Variants in AKR1B15 observed in about 807,000 individuals in gnomAD.
The protein encoded by AKR1B15 is aldo-keto reductase family 1 member B15, also known as estradiol 17-beta-dehydrogenase AKR1B15.
A neutral mutation model predicts 38.5 loss-of-function variants in AKR1B15; 49 were observed. The ratio of observed to expected loss-of-function variants is 1.27; its 90% CI spans 1.01 to 1.62. The LOEUF is 1.62. Ranked by LOEUF, AKR1B15 falls within the 40% of genes most tolerant of loss-of-function variation. AKR1B15 has a pLI of 0.00. For missense variants in AKR1B15, 411 were observed against 381.6 expected, an observed-to-expected ratio of 1.08 and a Z score of -0.64; for synonymous variants, 137 against 135.5, an observed-to-expected ratio of 1.01 and a Z score of -0.08.
chr7:134,552,153 C>T (rs79973657), intron 1 of AKR1B15, among the ~76,000 whole-genome samples: 2,603 of 152,238 alleles, frequency 0.017, 77 homozygotes, highest in African/African-American at 0.06. Context: ...TCCTCGTGGT[C>T]CCAGAGTGCC....
chr7:134,560,687 A>G (rs767651264), intron 2 of AKR1B15, among the ~76,000 whole-genome samples: 1 of 152,330 alleles, frequency 6.6e-6, no homozygotes, highest in Middle Eastern at 3.4e-3. Context: ...ATGTTAAAAA[A>G]CAAACAAAAG....
At position 134,568,042 on chromosome 7, in the gene AKR1B15, A is replaced by T. The variant is rs552379586; in HGVS notation, c.151-116A>T. The T allele has an allele frequency of 3.2e-6, 4 of 1,268,800 alleles. No homozygotes were observed. In the African/African-American group the frequency reaches 6.0e-5, roughly 19 times the overall value. The allele number at this position is 1,268,800 out of a possible 1,614,324, so 78.6% of individuals were successfully genotyped here. A position where few individuals can be genotyped will look rare whatever the true frequency, so the allele number is the denominator to read the frequency against. ...GAGTGTGGTGTAATTCCAGCTACTC[A>T]GGAGTTGGGAGGATTGTTTGAACCT... On this transcript the variant is annotated intron_variant, in intron 3 of 11. Coordinates refer to ENST00000457545, the MANE Select transcript of AKR1B15 (RefSeq NM_001080538.3).
intron 11 of AKR1B15, among the ~76,000 whole-genome samples, chr7:134,578,536 A>G (rs1794813110): frequency 6.6e-6 from 1 of 152,242 alleles, no homozygotes; most frequent in Non-Finnish European, 1.5e-5. Context: ...CACTCTGGCT[A>G]GGCGGGAATT....
At position 134,579,466 on chromosome 7, in the gene AKR1B15, G is replaced by T. The variant is rs148041413; in HGVS notation, c.993-41G>T. Reference sequence around the variant, plus strand: ...CCTTCTCAGCGAGAGTTGTTGCTTTGATGGAACACAGTTTCTTTTTTTTTT... The same window carrying T: ...CCTTCTCAGCGAGAGTTGTTGCTTTTATGGAACACAGTTTCTTTTTTTTTT... On this transcript the variant is annotated intron_variant, in intron 11 of 11. Coordinates refer to ENST00000457545, the MANE Select transcript of AKR1B15 (RefSeq NM_001080538.3). 593 of 1,527,358 alleles carry T rather than the reference G, an allele frequency of 3.9e-4. 3 individuals are homozygous for T. In the African/African-American group the frequency reaches 8.2e-3, roughly 21 times the overall value. 94.6% of individuals were successfully genotyped at this position (1,527,358 alleles called of 1,614,324 possible).
rs1485296059 is a variant in AKR1B15 at position 134,557,469 on chromosome 7, C to T, written c.-23+610C>T. Among the ~76,000 whole-genome samples, 9 of 151,976 alleles carry T rather than the reference C, an allele frequency of 5.9e-5. No homozygotes were observed. The East Asian group carries it at 1.5e-3, about 26-fold the overall frequency. On this transcript the variant is annotated intron_variant, in intron 2 of 11. Transcript: ENST00000457545. ...GTTTCTTCACTTGCAGCCCCTTGTCCCCCTCCCTTAAGGACATAACTGGTG... is the reference window on the plus strand; with the variant it reads ...GTTTCTTCACTTGCAGCCCCTTGTCTCCCTCCCTTAAGGACATAACTGGTG...
At chr7:134,565,661 T>C (rs945018680) in intron 3 of AKR1B15, 8 of 1,515,070 alleles carry the variant, frequency 5.3e-6, no homozygotes, top group Middle Eastern at 1.7e-4. Flanking sequence ...GAGAGGTGAA[T>C]TTCAGTCCTG....
chr7:134,565,678 G>C, intron 3 of AKR1B15: 1 of 1,479,214 alleles, frequency 6.8e-7, no homozygotes, highest in South Asian at 1.4e-5. Context: ...CCTGGAGCTG[G>C]GACTCGGGTT....
intron 11 of AKR1B15, 74 bp from the exon 12 acceptor site, chr7:134,579,433 G>A: frequency 1.5e-6 from 2 of 1,330,786 alleles, no homozygotes; most frequent in Non-Finnish European, 2.1e-6. Flanking sequence ...GTCCACCAGA[G>A]AAGAATACCT....
chr7:134,567,085 C>G (rs540133052), intron 3 of AKR1B15, among the ~76,000 whole-genome samples: 1 of 152,100 alleles, frequency 6.6e-6, no homozygotes, highest in African/African-American at 2.4e-5. Flanking sequence ...TGTAGTATAG[C>G]GGTTGGGGTC....
Position 134,564,077 on chromosome 7 carries a change from C to T in AKR1B15, c.-22-521C>T, listed in dbSNP as rs1385362053. 3.9e-5 allele frequency among the ~76,000 whole-genome samples: 6 copies of T among 152,286 alleles called. No individual in the cohort carries two copies. In the East Asian group the frequency reaches 9.6e-4, roughly 24 times the overall value. ...TAACATTGCCCCAGGAAATCAGACC[C>T]TATCAGTGCCCCTCAAAACTCAAGT... On this transcript the variant is annotated intron_variant, in intron 2 of 11. Transcript: ENST00000457545.
At chr7:134,559,759 G>A (rs1466087196) in intron 2 of AKR1B15, among the ~76,000 whole-genome samples, 6 of 152,232 alleles carry the variant, frequency 3.9e-5, no homozygotes, top group Admixed American at 2.6e-4. Flanking sequence ...GTAAATTCAT[G>A]AAGCTAGAAA....
At chr7:134,578,113 G>A (rs981470530) in intron 11 of AKR1B15, among the ~76,000 whole-genome samples, 37 of 152,136 alleles carry the variant, frequency 2.4e-4, no homozygotes, top group African/African-American at 7.0e-4. Context: ...CTAGGTGCTT[G>A]GGTTATCATA....
intron 6 of AKR1B15, among the ~76,000 whole-genome samples, chr7:134,574,069 T>C (rs1458970480): frequency 1.3e-5 from 2 of 152,116 alleles, no homozygotes; most frequent in African/African-American, 2.4e-5. Flanking sequence ...ACAAATTTTT[T>C]TTTTTGGTAG....
chr7:134,577,818 C>A (rs1268602571), intron 11 of AKR1B15, 32 bp downstream of exon 11: 1 of 1,608,798 alleles, frequency 6.2e-7, no homozygotes, highest in Non-Finnish European at 8.5e-7. Flanking sequence ...AGAAGAATTG[C>A]CAGGAGTTTT....
intron 2 of AKR1B15, among the ~76,000 whole-genome samples, chr7:134,558,492 T>C (rs1794278906): frequency 6.6e-6 from 1 of 152,202 alleles, no homozygotes; most frequent in Non-Finnish European, 1.5e-5. Flanking sequence ...TGCATGTCAT[T>C]AAGAAGTTAG....
Position 134,562,137 on chromosome 7 carries a change from C to G in AKR1B15, c.-22-2461C>G, listed in dbSNP as rs1324144718. ...TAGCTGGGATTACAGACATGTGCCA[C>G]TGTGTCTGGAGTTGATTCCTTCCAG... On this transcript the variant is annotated intron_variant, in intron 2 of 11. Coordinates refer to ENST00000457545, the MANE Select transcript of AKR1B15 (RefSeq NM_001080538.3). Among the ~76,000 whole-genome samples, 3 of 152,150 alleles carry G rather than the reference C, an allele frequency of 2.0e-5. No homozygotes were observed. The South Asian group carries it at 6.2e-4, about 32-fold the overall frequency.
intron 2 of AKR1B15, 58 bp from the exon 3 acceptor site, chr7:134,564,540 T>A: frequency 3.3e-6 from 2 of 613,700 alleles, no homozygotes; most frequent in South Asian, 3.8e-5. Context: ...GCCATCTTGC[T>A]ATTACTCACC....
intron 1 of AKR1B15, among the ~76,000 whole-genome samples, chr7:134,551,194 G>T (rs2117587846): frequency 6.6e-6 from 1 of 152,146 alleles, no homozygotes; most frequent in South Asian, 2.1e-4. Flanking sequence ...ATCTTCCCTT[G>T]TCTCCTCAAC....
Position 134,570,463 on chromosome 7 carries a change from G to A in AKR1B15, c.435+934G>A, listed in dbSNP as rs561353940. 2.0e-5 allele frequency: 3 copies of A among 152,142 alleles called. No individual in the cohort carries two copies. In the East Asian group the frequency reaches 5.8e-4, roughly 29 times the overall value. 9.4% of individuals were successfully genotyped at this position (152,142 alleles called of 1,614,324 possible). Reference sequence around the variant, plus strand: ...TTTTGAAAATCACTAATAAAAACTTGCTGGTTTTGTAGCTTGAGGGCATCA... The same window carrying A: ...TTTTGAAAATCACTAATAAAAACTTACTGGTTTTGTAGCTTGAGGGCATCA... On this transcript the variant is annotated intron_variant, in intron 5 of 11. Coordinates refer to ENST00000457545, the MANE Select transcript of AKR1B15 (RefSeq NM_001080538.3).
Sources: gnomAD v4.1 joint callset for allele counts (sites outside exome capture counted in the v4.1 genomes callset) on GRCh38, gnomAD v4.1.1 for gene constraint, MANE v1.5 for transcripts, NCBI Gene and HGNC (gene_info 2026-07-23, HGNC 2026-07-21) for gene names.